CPQ: variants seen among roughly 807,000 people sequenced by gnomAD.
CPQ encodes Ser-Met dipeptidase.
Under a neutral mutation model 45.7 loss-of-function variants are expected in CPQ, and 37 were observed. The observed-to-expected ratio is 0.81, with a 90% CI of 0.62 to 1.07. CPQ has a LOEUF of 1.07. Among genes scored for constraint, CPQ ranks in the 50% least tolerant of loss-of-function variants. The pLI is 0.00. For synonymous variants in CPQ, 186 were observed against 205.8 expected, an observed-to-expected ratio of 0.90 and a Z score of 0.82; for missense variants, 537 against 572.9, an observed-to-expected ratio of 0.94 and a Z score of 0.64.
At chr8:96,777,581 A>G (rs1245312435) in intron 1 of CPQ, among the ~76,000 whole-genome samples, 1 of 151,498 alleles carries the variant, frequency 6.6e-6, no homozygotes, top group Non-Finnish European at 1.5e-5. Flanking sequence ...TTATTCCCTA[A>G]AAGTTTCACA....
At chr8:96,960,654 AC>A in intron 4 of CPQ, among the ~76,000 whole-genome samples, 2 of 151,984 alleles carry the variant, frequency 1.3e-5, no homozygotes, top group Middle Eastern at 6.8e-3. Context: ...CTCTGCCCTA[AC>A]CCCCATTTGA....
chr8:96,996,818 C>T (rs1023881630), intron 5 of CPQ, among the ~76,000 whole-genome samples: 44 of 151,890 alleles, frequency 2.9e-4, no homozygotes, highest in African/African-American at 1.0e-3. Context: ...AATGATCATT[C>T]TTTTCAAAGA....
chr8:96,741,385 C>T (rs1007955016), intron 1 of CPQ, among the ~76,000 whole-genome samples: 30 of 151,994 alleles, frequency 2.0e-4, no homozygotes, highest in Non-Finnish European at 4.0e-4. Context: ...ATTAGTCTTG[C>T]TAGCGGTCTA....
Position 97,076,089 on chromosome 8 carries a change from G to A in CPQ, c.1255+9879G>A, listed in dbSNP as rs534546894. On this transcript the variant is annotated intron_variant, in intron 7 of 7. Transcript: ENST00000220763. ...TGCTCAGGCTGGAGTGCAGTAGCAC[G>A]ATCTCAGCTCACTGCAACCTCCGCC... 2.4e-3 allele frequency among the ~76,000 whole-genome samples: 371 copies of A among 152,178 alleles called. 2 individuals are homozygous for A. Among genetic ancestry groups the A allele is most frequent in the Middle Eastern group, 0.014 (4 of 294 alleles).
intron 2 of CPQ, among the ~76,000 whole-genome samples, chr8:96,826,914 A>T (rs540323146): frequency 1.4e-4 from 21 of 152,168 alleles, no homozygotes; most frequent in Admixed American, 1.0e-3. Flanking sequence ...TTTGCTGAGG[A>T]TAATGGCTTC....
At chr8:96,979,203 G>C (rs1275698807) in intron 5 of CPQ, among the ~76,000 whole-genome samples, 1 of 152,156 alleles carries the variant, frequency 6.6e-6, no homozygotes, top group Non-Finnish European at 1.5e-5. Flanking sequence ...TGGATGCAAA[G>C]CTAAAGGTTG....
chr8:96,794,713 C>G (rs1351922275), intron 2 of CPQ, among the ~76,000 whole-genome samples: 1 of 152,118 alleles, frequency 6.6e-6, no homozygotes, highest in African/African-American at 2.4e-5. Flanking sequence ...TTAACAGCAC[C>G]CAAGTCACAT....
At chr8:96,832,125 A>G (rs573187034) in intron 2 of CPQ, among the ~76,000 whole-genome samples, 13 of 152,226 alleles carry the variant, frequency 8.5e-5, no homozygotes, top group Non-Finnish European at 1.3e-4. Context: ...GTTGTTTCTC[A>G]TAGCTGATAG....
chr8:97,026,385 C>T (rs1179769604), intron 5 of CPQ, among the ~76,000 whole-genome samples: 2 of 152,158 alleles, frequency 1.3e-5, no homozygotes, highest in Non-Finnish European at 2.9e-5. Context: ...CCAGAAGTGG[C>T]AGAGCCAGGA....
chr8:96,757,320 C>T (rs1810339322), intron 1 of CPQ, among the ~76,000 whole-genome samples: 1 of 150,464 alleles, frequency 6.6e-6, no homozygotes, highest in Admixed American at 6.7e-5. Context: ...CACTGTACTC[C>T]AGCATGGGCA....
chr8:96,719,644 C>CT (rs1809735824), intron 1 of CPQ, among the ~76,000 whole-genome samples: 1 of 152,238 alleles, frequency 6.6e-6, no homozygotes, highest in Admixed American at 6.5e-5. Flanking sequence ...ATGCTGTCAC[C>CT]TCTCACTGTG....
At chr8:96,977,180 G>C (rs982004481) in intron 5 of CPQ, among the ~76,000 whole-genome samples, 3 of 152,012 alleles carry the variant, frequency 2.0e-5, no homozygotes, top group Non-Finnish European at 4.4e-5. Flanking sequence ...AAAGGGCTAA[G>C]GACATGAATA....
At chr8:97,031,183 C>A (rs1809897426) in intron 6 of CPQ, among the ~76,000 whole-genome samples, 1 of 127,878 alleles carries the variant, frequency 7.8e-6, no homozygotes, top group Non-Finnish European at 1.6e-5. Flanking sequence ...GTTAAAAGAA[C>A]TATTCTTTTT....
At chr8:96,990,009 A>G (rs139973344) in intron 5 of CPQ, among the ~76,000 whole-genome samples, 1 of 152,034 alleles carries the variant, frequency 6.6e-6, no homozygotes, top group Non-Finnish European at 1.5e-5. Context: ...CTCCAGACAC[A>G]TCTTCTCTTG....
At chr8:96,737,529 G>A (rs1350504618) in intron 1 of CPQ, among the ~76,000 whole-genome samples, 1 of 151,782 alleles carries the variant, frequency 6.6e-6, no homozygotes, top group African/African-American at 2.4e-5. Flanking sequence ...ATGTAGGCTG[G>A]GAGACTAGGC....
chr8:96,824,692 C>G (rs1311536036), intron 2 of CPQ, among the ~76,000 whole-genome samples: 2 of 151,896 alleles, frequency 1.3e-5, no homozygotes, highest in Admixed American at 1.3e-4. Flanking sequence ...TTTCTATTAC[C>G]ATAGCGTATG....
intron 7 of CPQ, among the ~76,000 whole-genome samples, chr8:97,075,252 C>A (rs1224550956): frequency 6.6e-6 from 1 of 152,146 alleles, no homozygotes; most frequent in Non-Finnish European, 1.5e-5. Context: ...GTCTCTGTAC[C>A]ATTTTCCGTG....
intron 4 of CPQ, among the ~76,000 whole-genome samples, chr8:96,886,044 G>A (rs901165476): frequency 6.6e-6 from 1 of 152,022 alleles, no homozygotes; most frequent in African/African-American, 2.4e-5. Context: ...AGCAGAATAG[G>A]GGTAATATAT....
rs945555261 is a variant in CPQ, at chr8:96,794,718, T to G, written c.433+9388T>G. Among the ~76,000 whole-genome samples the G allele has an allele frequency of 2.6e-5, 4 of 152,194 alleles. No homozygotes were observed. The East Asian group carries it at 7.7e-4, about 29-fold the overall frequency. On this transcript the variant is annotated intron_variant, in intron 2 of 7. Coordinates refer to ENST00000220763, the MANE Select transcript of CPQ (RefSeq NM_016134.4). Reference sequence around the variant, plus strand: ...CTGAATGCCTTTAACAGCACCCAAGTCACATCTTGAATGCTTTGCTGCTTA... The same window carrying G: ...CTGAATGCCTTTAACAGCACCCAAGGCACATCTTGAATGCTTTGCTGCTTA...
Sources: allele counts gnomAD v4.1 joint callset (sites outside exome capture counted in the v4.1 genomes callset), GRCh38; gene constraint gnomAD v4.1.1; transcripts MANE v1.5; gene names NCBI Gene and HGNC (gene_info 2026-07-23, HGNC 2026-07-21).